NCAPD2: variants seen among roughly 807,000 people sequenced by gnomAD.
The protein encoded by NCAPD2 is condensin complex subunit 1.
NCAPD2 carries 100 observed loss-of-function variants against 164.5 expected under a neutral mutation model. The ratio of observed to expected loss-of-function variants is 0.61; its 90% CI spans 0.52 to 0.72. NCAPD2 has a LOEUF of 0.72. Ranked by LOEUF, NCAPD2 falls within the 30% of genes least tolerant of loss-of-function variation. The pLI is 0.00. For synonymous variants in NCAPD2, 585 were observed against 642.6 expected (o/e 0.91, Z 1.36); for missense variants, 1,560 against 1,749.2 (o/e 0.89, Z 1.93).
At position 6,503,786 on chromosome 12, in the gene NCAPD2, TA is replaced by T. The variant is rs745985990; in HGVS notation, c.128-5925del. ...ACTCCATCTATTTTTTTTTTTTTTT[TA>T]AAAAAGATGGTGAAACCCCGTCTCT... On this transcript the variant is annotated intron_variant, in intron 2 of 31. Transcript: ENST00000315579. Among the ~76,000 whole-genome samples the T allele has an allele frequency of 4.7e-4, 69 of 145,962 alleles. 1 individual carries two copies. Among genetic ancestry groups the T allele is most frequent in the African/African-American group, 1.5e-3 (57 of 39,216 alleles).
intron 9 of NCAPD2, 43 bp from the exon 10 acceptor site, chr12:6,516,785 G>T: frequency 6.3e-7 from 1 of 1,594,088 alleles, no homozygotes; most frequent in Non-Finnish European, 8.6e-7. Flanking sequence ...AGCAAGCTTC[G>T]CCTTGACTAA....
At chr12:6,529,750 C>G in intron 28 of NCAPD2, 25 bp from the exon 29 acceptor site, 1 of 1,604,792 alleles carries the variant, frequency 6.2e-7, no homozygotes, top group South Asian at 1.1e-5. Context: ...CTCCCAGTTC[C>G]TCACAAAGCC....
Position 6,524,648 on chromosome 12 carries a change from C to CAA in NCAPD2, c.2215-913_2215-912dup, listed in dbSNP as rs35443041. 8.6e-3 allele frequency among the ~76,000 whole-genome samples: 562 copies of CAA among 65,244 alleles called. 15 individuals are homozygous for CAA. Among genetic ancestry groups the CAA allele is most frequent in the South Asian group, 0.069 (113 of 1,638 alleles). The allele number at this position is 65,244 out of a possible 152,430, so 42.8% of individuals were successfully genotyped here. A position where few individuals can be genotyped will look rare whatever the true frequency, so the allele number is the denominator to read the frequency against. ...TGGGCGACAGAGGGAGACTCTGTCT[C>CAA]AAAAAAAAAAAAAAAAAAAAAAATC... On this transcript the variant is annotated intron_variant, in intron 17 of 31. Coordinates refer to ENST00000315579, the MANE Select transcript of NCAPD2 (RefSeq NM_014865.4).
rs748297703 is a variant in NCAPD2, at chr12:6,526,180, A to G, written c.2461A>G (p.Asn821Asp). 1.2e-6 allele frequency: 2 copies of G among 1,614,200 alleles called. No homozygotes were observed. The highest frequency in any genetic ancestry group is 3.3e-5 in the Admixed American group (2 of 60,024). ...LAQQVCHAIA[N>D]ISDRRKPSLG... ...CCAGCAGGTGTGCCATGCCATTGCC[A>G]ACATCTCGGACAGGAGAAAGGTATG... Residue 821 changes from asparagine (N) to aspartate (D), a missense_variant, in exon 19 of 32, where the codon AAC becomes GAC. By Grantham distance (23) the Asn-to-Asp change is conservative (BLOSUM62 1). Transcript: ENST00000315579.
Position 6,521,120 on chromosome 12 carries a change from T to G in NCAPD2, c.1714+10T>G. ...GGACTTATCTTCAAAGGTAATCATTTTCCTTCTTCAGTCAATAAATAACAC... is the reference window on the plus strand; with the variant it reads ...GGACTTATCTTCAAAGGTAATCATTGTCCTTCTTCAGTCAATAAATAACAC... On this transcript the variant is annotated intron_variant, in intron 14 of 31. Transcript: ENST00000315579. 1.2e-6 allele frequency: 2 copies of G among 1,613,106 alleles called. No homozygotes were observed. The highest frequency in any genetic ancestry group is 1.7e-6 in the Non-Finnish European group (2 of 1,179,690).
chr12:6,523,400 T>TG lies in NCAPD2; in HGVS notation c.2214+54_2214+55insG. On this transcript the variant is annotated intron_variant, in intron 17 of 31. Transcript: ENST00000315579. ...TTCATTCAACAAGTATTTTGGTTGT[T>TG]TTTTTTTTTTTTTTTGAGACGGAGT... is the stretch of plus-strand genomic sequence containing the variant. 4 of 1,232,736 alleles carry TG rather than the reference T, an allele frequency of 3.2e-6. No individual in the cohort carries two copies. The African/African-American group carries it at 4.6e-5, about 14-fold the overall frequency. The allele number at this position is 1,232,736 out of a possible 1,614,324, so 76.4% of individuals were successfully genotyped here. A position where few individuals can be genotyped will look rare whatever the true frequency, so the allele number is the denominator to read the frequency against.
intron 2 of NCAPD2, among the ~76,000 whole-genome samples, chr12:6,498,765 A>G (rs1946006708): frequency 6.8e-6 from 1 of 146,246 alleles, no homozygotes; most frequent in South Asian, 2.2e-4. Context: ...GAGCCACCGC[A>G]CCCAGCTAAT....
rs1472426192 is a variant in NCAPD2, at chr12:6,529,005, G to A, written c.3538G>A (p.Gly1180Arg). 1 of 1,613,302 alleles carries A rather than the reference G, an allele frequency of 6.2e-7. No homozygotes were observed. The highest frequency in any genetic ancestry group is 8.5e-7 in the Non-Finnish European group (1 of 1,180,010). Reference sequence around the variant, plus strand: ...CAGCCGCCTGTCAGACCCCGAGCTGGGGGTGGAGGAAGAGCCTTTCCACAC... The same window carrying A: ...CAGCCGCCTGTCAGACCCCGAGCTGAGGGTGGAGGAAGAGCCTTTCCACAC... The part of the protein sequence containing the change: ...IISRLSDPEL[G>R]VEEEPFHTIM... Residue 1180 changes from glycine to arginine, a missense_variant, in exon 27 of 32, where the codon GGG (glycine) becomes AGG (arginine). By Grantham distance (125) the Gly-to-Arg change is moderately radical. Coordinates refer to ENST00000315579, the MANE Select transcript of NCAPD2 (RefSeq NM_014865.4).
Position 6,516,872 on chromosome 12 carries a change from G to C in NCAPD2, c.1032G>C (p.Met344Ile). The change falls in exon 10 of 32, where the codon ATG (methionine) becomes ATC (isoleucine). Residue 344 changes from methionine to isoleucine, a missense_variant. By Grantham distance (10) the Met-to-Ile change is conservative (BLOSUM62 1). Transcript: ENST00000315579. ...CTGTGCTGGCAGCCATGGCGGAGAT[G>C]GTGCTGCAGGTTCTCAGTGGCGATC... ...RNAVLAAMAE[M>I]VLQVLSGDQL... 6.2e-7 allele frequency: 1 copy of C among 1,614,092 alleles called. No individual in the cohort carries two copies. The highest frequency in any genetic ancestry group is 2.2e-5 in the East Asian group (1 of 44,874).
chr12:6,518,503 A>AGTTTTTGTTTTTTTTT (rs1555139578), intron 13 of NCAPD2, among the ~76,000 whole-genome samples: 1 of 30,714 alleles, frequency 3.3e-5, no homozygotes, highest in Non-Finnish European at 5.9e-5. Flanking sequence ...GCCGTCAACA[A>AGTTTTTGTTTTTTTTT]GTTTTTTTTT....
At chr12:6,512,272 CAAAA>C (rs35978725) in intron 6 of NCAPD2, among the ~76,000 whole-genome samples, 9 of 87,344 alleles carry the variant, frequency 1.0e-4, no homozygotes, top group Admixed American at 2.7e-4. Flanking sequence ...ACTCCATCTC[CAAAA>C]AAAAAAAAAA....
chr12:6,512,085 C>T (rs10849478), intron 6 of NCAPD2, among the ~76,000 whole-genome samples: 80,677 of 151,208 alleles, frequency 0.53, 21,892 homozygotes, highest in African/African-American at 0.6. Context: ...ATCGAGACCA[C>T]GGTGAAACCC....
chr12:6,500,619 G>T (rs189572821), intron 2 of NCAPD2, among the ~76,000 whole-genome samples: 2 of 152,290 alleles, frequency 1.3e-5, no homozygotes, highest in Admixed American at 1.3e-4. Flanking sequence ...AGGATGTCAA[G>T]GCCCAGGATG....
At chr12:6,505,135 G>A (rs931427205) in intron 2 of NCAPD2, among the ~76,000 whole-genome samples, 2 of 152,224 alleles carry the variant, frequency 1.3e-5, no homozygotes, top group African/African-American at 2.4e-5. Context: ...GCATGATCTC[G>A]ACTCACTGGA....
In NCAPD2 at chr12:6,522,878, C is replaced by A; in HGVS notation, c.2005C>A (p.Pro669Thr). ...TGTGATGGTCTTCCAATTTGGGGTA[C>A]CCCAGGCCCTGTTTGGGGTGCGCCG... is the stretch of plus-strand genomic sequence containing the variant. ...FFVMVFQFGV[P>T]QALFGVRRML... The change falls in exon 16 of 32, where the codon CCC (proline) becomes ACC (threonine). Residue 669 changes from proline to threonine, a missense_variant. By Grantham distance (38) the Pro-to-Thr change is conservative. Coordinates refer to ENST00000315579, the MANE Select transcript of NCAPD2 (RefSeq NM_014865.4). 2 of 1,614,076 alleles carry A rather than the reference C, an allele frequency of 1.2e-6. No individual in the cohort carries two copies. The highest frequency in any genetic ancestry group is 8.5e-7 in the Non-Finnish European group (1 of 1,180,010).
chr12:6,504,200 T>C (rs944603059), intron 2 of NCAPD2, among the ~76,000 whole-genome samples: 3,650 of 18,904 alleles, frequency 0.19, 83 homozygotes, highest in Non-Finnish European at 0.23. Context: ...TATATATATA[T>C]ATATATATAT....
Position 6,514,870 on chromosome 12 carries a change from G to T in NCAPD2, c.937G>T (p.Ala313Ser), listed in dbSNP as rs761533440. Reference sequence around the variant, plus strand: ...GACAGAACTAGCAGAACGTGTCCCAGCTATCCTGATGTCCAGCATGTGCAT... The same window carrying T: ...GACAGAACTAGCAGAACGTGTCCCATCTATCCTGATGTCCAGCATGTGCAT... ...FLTELAERVP[A>S]ILMSSMCILL... The change falls in exon 9 of 32, where the codon GCT becomes TCT. Residue 313 changes from alanine to serine, a missense_variant. Ala to Ser is a moderately conservative substitution (Grantham distance 99). Coordinates refer to ENST00000315579, the MANE Select transcript of NCAPD2 (RefSeq NM_014865.4). 2 of 1,614,096 alleles carry T rather than the reference G, an allele frequency of 1.2e-6. No homozygotes were observed.
At chr12:6,529,666 C>T in intron 28 of NCAPD2, 73 bp downstream of exon 28, 1 of 1,603,850 alleles carries the variant, frequency 6.2e-7, no homozygotes, top group Non-Finnish European at 8.5e-7. Context: ...TCCCTCACCC[C>T]TTCAATGCCC....
At chr12:6,514,118 A>T in intron 6 of NCAPD2, 147 bp from the exon 7 acceptor site, 1 of 1,153,230 alleles carries the variant, frequency 8.7e-7, no homozygotes, top group Non-Finnish European at 1.2e-6. Flanking sequence ...GGGTCAGCAA[A>T]GCAAAGCAAC....
Sources: allele counts gnomAD v4.1 joint callset (sites outside exome capture counted in the v4.1 genomes callset), GRCh38; gene constraint gnomAD v4.1.1; transcripts MANE v1.5; gene names NCBI Gene and HGNC (gene_info 2026-07-23, HGNC 2026-07-21).